MGAT3: variants seen among roughly 807,000 people sequenced by gnomAD.
MGAT3 encodes the protein GlcNAc-T III.
A neutral mutation model predicts 29.8 loss-of-function variants in MGAT3; 9 were observed. That is an observed-to-expected ratio of 0.30 (90% CI 0.18 to 0.53). MGAT3 has a LOEUF of 0.53. Among genes scored for constraint, MGAT3 ranks in the 20% least tolerant of loss-of-function variants. MGAT3 has a pLI of 0.96. For synonymous variants in MGAT3, 397 were observed against 348.9 expected (o/e 1.14, Z -1.54); for missense variants, 557 against 769.5 (o/e 0.72, Z 3.27).
Position 39,457,133 on chromosome 22 carries a change from G to A in MGAT3, c.-426G>A, listed in dbSNP as rs969973062. Among the ~76,000 whole-genome samples, 2 of 145,470 alleles carry A rather than the reference G, an allele frequency of 1.4e-5. No homozygotes were observed. The highest frequency in any genetic ancestry group is 2.5e-5 in the African/African-American group (1 of 40,568). On this transcript the variant is annotated 5_prime_UTR_variant, in exon 1 of 2. Transcript: ENST00000341184. This position sits in a 1 kb window ranked among gnomAD's most constrained non-coding sequence, Gnocchi z 6.8. ...CGGCCCGGCGCGGCGGCGGAGCCCGGCTGGCGGGGGAGGGGAGGGGGTTGC... is the reference window on the plus strand; with the variant it reads ...CGGCCCGGCGCGGCGGCGGAGCCCGACTGGCGGGGGAGGGGAGGGGGTTGC...
chr22:39,469,836 G>A (rs1415489097), intron 1 of MGAT3, among the ~76,000 whole-genome samples: 1 of 152,252 alleles, frequency 6.6e-6, no homozygotes, highest in African/African-American at 2.4e-5. Flanking sequence ...GGAGGGGCTG[G>A]CACTGCCGGG....
At chr22:39,465,705 G>A (rs1249015960) in intron 1 of MGAT3, among the ~76,000 whole-genome samples, 1 of 152,098 alleles carries the variant, frequency 6.6e-6, no homozygotes, top group African/African-American at 2.4e-5. Context: ...GCCGAGGGGG[G>A]TGGATCACCA....
chr22:39,483,598 G>A (rs1161501604), intron 1 of MGAT3, among the ~76,000 whole-genome samples: 1 of 152,080 alleles, frequency 6.6e-6, no homozygotes, highest in African/African-American at 2.4e-5. Context: ...GGAAGCTTCC[G>A]CCATGCTAAC....
chr22:39,468,451 G>A (rs1389905999), intron 1 of MGAT3, among the ~76,000 whole-genome samples: 2 of 152,194 alleles, frequency 1.3e-5, no homozygotes, highest in Non-Finnish European at 2.9e-5. Flanking sequence ...CTTTCCCACC[G>A]TCTTCCCATA....
At position 39,488,982 on chromosome 22, in the gene MGAT3, C is replaced by T. The variant is rs199662455; in HGVS notation, c.*33C>T. On this transcript the variant is annotated 3_prime_UTR_variant, in exon 2 of 2. Transcript: ENST00000341184. ...TGATCTGATAGGGTTTGTGACAGGG[C>T]GGGGGTGGCGGCGGCCCCTAGCGCT... The T allele has an allele frequency of 3.8e-6, 5 of 1,311,760 alleles. No homozygotes were observed. Among genetic ancestry groups the T allele is most frequent in the East Asian group, 5.2e-5 (1 of 19,412 alleles). 81.3% of individuals were successfully genotyped at this position (1,311,760 alleles called of 1,614,324 possible).
At chr22:39,484,327 A>G (rs748362977) in intron 1 of MGAT3, among the ~76,000 whole-genome samples, 32 of 152,106 alleles carry the variant, frequency 2.1e-4, no homozygotes, top group Non-Finnish European at 4.1e-4. Context: ...TCACAGATGG[A>G]GAAACTAAGG....
At chr22:39,476,096 C>A (rs986001902) in intron 1 of MGAT3, among the ~76,000 whole-genome samples, 2 of 150,368 alleles carry the variant, frequency 1.3e-5, no homozygotes, top group Non-Finnish European at 2.9e-5. Context: ...CCGGCCACTC[C>A]GTGGGAAAGT....
At chr22:39,479,516 C>A (rs1315469089) in intron 1 of MGAT3, among the ~76,000 whole-genome samples, 1 of 152,196 alleles carries the variant, frequency 6.6e-6, no homozygotes, top group Non-Finnish European at 1.5e-5. Flanking sequence ...CTCCCTGTTG[C>A]CCTGAGATAG....
intron 1 of MGAT3, among the ~76,000 whole-genome samples, chr22:39,474,564 C>G (rs560347246): frequency 8.6e-4 from 131 of 152,342 alleles, no homozygotes; most frequent in African/African-American, 3.0e-3. Context: ...AGCACCTTCC[C>G]TGCACACTGG....
intron 1 of MGAT3, among the ~76,000 whole-genome samples, chr22:39,479,099 A>G (rs774062516): frequency 6.6e-6 from 1 of 152,076 alleles, no homozygotes; most frequent in Non-Finnish European, 1.5e-5. Flanking sequence ...CAATCCCAAC[A>G]CTGGGGGGCC....
intron 1 of MGAT3, among the ~76,000 whole-genome samples, chr22:39,466,910 G>C (rs994210751): frequency 1.3e-5 from 2 of 152,186 alleles, no homozygotes; most frequent in Non-Finnish European, 2.9e-5. Context: ...TCTGTACCCA[G>C]TACACTTTGT....
rs374641915 is a variant in MGAT3 at position 39,475,228 on chromosome 22, T to C, written c.-1-12119T>C. Among the ~76,000 whole-genome samples, 3 of 151,682 alleles carry C rather than the reference T, an allele frequency of 2.0e-5. No homozygotes were observed. The East Asian group carries it at 5.8e-4, about 29-fold the overall frequency. ...AATTGAAAAGCTGGGAGCATCTTCTTGATTGTGTTTTTTGGGGGCGAGTCC... is the reference window on the plus strand; with the variant it reads ...AATTGAAAAGCTGGGAGCATCTTCTCGATTGTGTTTTTTGGGGGCGAGTCC... On this transcript the variant is annotated intron_variant, in intron 1 of 1. Transcript: ENST00000341184.
At chr22:39,477,213 C>T (rs931932218) in intron 1 of MGAT3, among the ~76,000 whole-genome samples, 2 of 152,198 alleles carry the variant, frequency 1.3e-5, no homozygotes, top group African/African-American at 4.8e-5. Context: ...TGGGAGTGGA[C>T]ATGCAGAGGC....
intron 1 of MGAT3, among the ~76,000 whole-genome samples, chr22:39,477,214 A>T (rs1001427457): frequency 1.3e-5 from 2 of 152,244 alleles, no homozygotes; most frequent in African/African-American, 2.4e-5. Context: ...GGGAGTGGAC[A>T]TGCAGAGGCA....
chr22:39,462,826 C>T (rs1360626351), intron 1 of MGAT3, among the ~76,000 whole-genome samples: 1 of 152,230 alleles, frequency 6.6e-6, no homozygotes, highest in Non-Finnish European at 1.5e-5. Flanking sequence ...AAATCATTCA[C>T]ACACCTAATT....
At chr22:39,469,279 C>T (rs1290710373) in intron 1 of MGAT3, among the ~76,000 whole-genome samples, 1 of 152,094 alleles carries the variant, frequency 6.6e-6, no homozygotes, top group African/African-American at 2.4e-5. Flanking sequence ...AGGCTTGAGT[C>T]ACAGGTTACT....
At chr22:39,458,147 G>T (rs2145705418) in intron 1 of MGAT3, among the ~76,000 whole-genome samples, 1 of 152,330 alleles carries the variant, frequency 6.6e-6, no homozygotes, top group Non-Finnish European at 1.5e-5. Flanking sequence ...TCCTTGCATT[G>T]CTCTGCCCAG....
chr22:39,473,945 G>A (rs569130483), intron 1 of MGAT3, among the ~76,000 whole-genome samples: 2 of 152,190 alleles, frequency 1.3e-5, no homozygotes, highest in East Asian at 1.9e-4. Context: ...TGTGGGTCAG[G>A]ATCCAGGGCC....
chr22:39,489,066 T>TGGGGGGGGTGG lies in MGAT3; in HGVS notation c.*122_*123insGGGTGGGGGGG. On this transcript the variant is annotated 3_prime_UTR_variant, in exon 2 of 2. Coordinates refer to ENST00000341184, the MANE Select transcript of MGAT3 (RefSeq NM_002409.5). ...GAGGGGACCAGGAGTGGGTGGGGAG[T>TGGGGGGGGTGG]GGGGGTGGGGGTAGGGTTTCCCTAC... 9.0e-6 allele frequency: 3 copies of TGGGGGGGGTGG among 332,576 alleles called. No homozygotes were observed. Among genetic ancestry groups the TGGGGGGGGTGG allele is most frequent in the Non-Finnish European group, 1.6e-5 (3 of 188,406 alleles). 20.6% of individuals were successfully genotyped at this position (332,576 alleles called of 1,614,324 possible).
Sources: allele counts gnomAD v4.1 joint callset (sites outside exome capture counted in the v4.1 genomes callset), GRCh38; gene constraint gnomAD v4.1.1; non-coding constraint Gnocchi (gnomAD v3.1); transcripts MANE v1.5; gene names NCBI Gene and HGNC (gene_info 2026-07-23, HGNC 2026-07-21).